Variants in SRCIN1 observed in about 807,000 individuals in gnomAD.
SRCIN1 encodes the protein P130Cas-associated protein.
In SRCIN1, 50 loss-of-function variants were observed where a neutral mutation model predicts 116.2. The ratio of observed to expected loss-of-function variants is 0.43; its 90% CI spans 0.34 to 0.54. The LOEUF is 0.54. Among genes scored for constraint, SRCIN1 ranks in the 20% least tolerant of loss-of-function variants. SRCIN1 has a pLI of 0.02. For missense variants in SRCIN1, 1,446 were observed against 1,672.0 expected, an observed-to-expected ratio of 0.86 and a Z score of 2.36; for synonymous variants, 736 against 750.0, an observed-to-expected ratio of 0.98 and a Z score of 0.30.
chr17:38,584,841 GGGAGA>G (rs1205318567), intron 1 of SRCIN1, among the ~76,000 whole-genome samples: 2 of 152,204 alleles, frequency 1.3e-5, no homozygotes, highest in Non-Finnish European at 2.9e-5. Context: ...GAGGAGAACG[GGGAGA>G]GGAGAGGAGA....
chr17:38,581,706 G>A (rs1395446947), intron 1 of SRCIN1, among the ~76,000 whole-genome samples: 1 of 152,184 alleles, frequency 6.6e-6, no homozygotes. Context: ...GTGAGACTGG[G>A]AACACTGGGG....
chr17:38,534,860 G>A (rs1167136524), intron 18 of SRCIN1, among the ~76,000 whole-genome samples: 1 of 152,196 alleles, frequency 6.6e-6, no homozygotes, highest in Non-Finnish European at 1.5e-5. Flanking sequence ...GGGTGTGGTG[G>A]CTCACACCTG....
intron 1 of SRCIN1, among the ~76,000 whole-genome samples, chr17:38,596,319 T>A (rs1228578010): frequency 2.6e-5 from 4 of 151,884 alleles, no homozygotes; most frequent in Non-Finnish European, 5.9e-5. Context: ...TTAGGAGCTC[T>A]CCCTTTGGGG....
At chr17:38,554,794 C>T (rs1004087490) in intron 11 of SRCIN1, among the ~76,000 whole-genome samples, 2 of 152,218 alleles carry the variant, frequency 1.3e-5, no homozygotes, top group Admixed American at 1.3e-4. Context: ...TCGCTGACAT[C>T]CCTGACTCAC....
intron 1 of SRCIN1, among the ~76,000 whole-genome samples, chr17:38,593,752 C>T (rs1464283781): frequency 6.6e-6 from 1 of 152,124 alleles, no homozygotes; most frequent in South Asian, 2.1e-4. Flanking sequence ...TGAGCCCCAT[C>T]CCCTGAAAGC....
At chr17:38,564,881 T>C (rs1906579671) in intron 3 of SRCIN1, among the ~76,000 whole-genome samples, 2 of 151,988 alleles carry the variant, frequency 1.3e-5, no homozygotes, top group South Asian at 2.1e-4. Context: ...TTTAGGGTGA[T>C]TGAGAAAACT....
chr17:38,549,100 C>T lies in SRCIN1; in HGVS notation c.3073G>A (p.Gly1025Arg), dbSNP rs557969957. ...SSHGLTTTRTGEVVVTSKKDS... is the reference protein window; with the variant it reads ...SSHGLTTTRTREVVVTSKKDS... ...TTCTTGCTGGTGACCACCACCTCTC[C>T]GGTACGTGTGGTGGTCAGGCCATGG... The change falls in exon 16 of 19, where the codon GGA (glycine) becomes AGA (arginine). Residue 1025 changes from glycine (G) to arginine (R), a missense_variant. Gly to Arg is a moderately radical substitution (Grantham distance 125). Around this residue, in one of 5 missense-constraint regions of SRCIN1, gnomAD observed 531 missense variants for 633.9 expected, o/e 0.84. Transcript: ENST00000617146. 1.3e-5 allele frequency: 21 copies of T among 1,605,786 alleles called. No individual in the cohort carries two copies. In the South Asian group the frequency reaches 1.4e-4, roughly 11 times the overall value.
chr17:38,555,612 CAA>C (rs1905733561), intron 11 of SRCIN1, among the ~76,000 whole-genome samples: 1 of 152,320 alleles, frequency 6.6e-6, no homozygotes, highest in South Asian at 2.1e-4. Flanking sequence ...TTCAGATATT[CAA>C]AGAGATTAAC....
At chr17:38,597,037 C>T (rs543295125) in intron 1 of SRCIN1, among the ~76,000 whole-genome samples, 1 of 152,352 alleles carries the variant, frequency 6.6e-6, no homozygotes, top group South Asian at 2.1e-4. Context: ...AGGCACAGCC[C>T]TCCCTGGGCT....
At position 38,552,660 on chromosome 17, in the gene SRCIN1, T is replaced by C; in HGVS notation, c.2332+65A>G. On this transcript the variant is annotated intron_variant, in intron 12 of 18. Transcript: ENST00000617146. The surrounding 1 kb of genome is among the most constrained non-coding windows in gnomAD (Gnocchi z 5.3). ...ACCACAGACTGGGAGGAGAGGATGG[T>C]GGCTGGAGTATGGCAGACTTCCCCA... 1 of 1,613,092 alleles carries C rather than the reference T, an allele frequency of 6.2e-7. No individual in the cohort carries two copies. The highest frequency in any genetic ancestry group is 1.1e-5 in the South Asian group (1 of 91,048).
rs143974605 is a variant in SRCIN1 at position 38,536,404 on chromosome 17, C to T, written c.3418-2973G>A. On this transcript the variant is annotated intron_variant, in intron 18 of 18. Coordinates refer to ENST00000617146, the MANE Select transcript of SRCIN1 (RefSeq NM_025248.3). Reference sequence around the variant, plus strand: ...CAGAGAAGCAGAACTTTGTTACCTTCGTGGCAAGGCAGAAACCTCACACAT... The same window carrying T: ...CAGAGAAGCAGAACTTTGTTACCTTTGTGGCAAGGCAGAAACCTCACACAT... Among the ~76,000 whole-genome samples, 217 of 152,362 alleles carry T rather than the reference C, an allele frequency of 1.4e-3. 1 individual carries two copies. The highest frequency in any genetic ancestry group is 5.0e-3 in the African/African-American group (209 of 41,582).
intron 1 of SRCIN1, among the ~76,000 whole-genome samples, chr17:38,583,558 T>TTTTG (rs1567878630): frequency 2.6e-4 from 38 of 148,200 alleles, no homozygotes; most frequent in African/African-American, 9.1e-4. Flanking sequence ...GTTTTTTTTT[T>TTTTG]TTTTTTTTTT....
At chr17:38,583,849 G>A (rs527788523) in intron 1 of SRCIN1, among the ~76,000 whole-genome samples, 1 of 152,306 alleles carries the variant, frequency 6.6e-6, no homozygotes, top group African/African-American at 2.4e-5. Context: ...CACCGCGCCA[G>A]GCCAAAGTAG....
At position 38,549,335 on chromosome 17, in the gene SRCIN1, A is replaced by G. The variant is rs1166993207; in HGVS notation, c.2963-125T>C. 1.4e-5 allele frequency: 13 copies of G among 960,600 alleles called. No individual in the cohort carries two copies. In the East Asian group the frequency reaches 3.7e-4, roughly 28 times the overall value. 59.5% of individuals were successfully genotyped at this position (960,600 alleles called of 1,614,324 possible). ...GAGGACCAGGAGGAGGTGAGAGGAA[A>G]GCCTGGGGGCAAGAACACAGGGCCC... On this transcript the variant is annotated intron_variant, in intron 15 of 18. Coordinates refer to ENST00000617146, the MANE Select transcript of SRCIN1 (RefSeq NM_025248.3).
At chr17:38,536,541 G>T (rs1904392386) in intron 18 of SRCIN1, among the ~76,000 whole-genome samples, 1 of 152,148 alleles carries the variant, frequency 6.6e-6, no homozygotes, top group Non-Finnish European at 1.5e-5. Flanking sequence ...CTCTCGCCAG[G>T]TCCATGTTCC....
chr17:38,579,460 A>G (rs1238580741), intron 1 of SRCIN1, among the ~76,000 whole-genome samples: 1 of 152,180 alleles, frequency 6.6e-6, no homozygotes, highest in Non-Finnish European at 1.5e-5. Flanking sequence ...CTCCCCAGAG[A>G]CAGACAGATA....
chr17:38,539,291 T>C (rs924139068), intron 18 of SRCIN1, among the ~76,000 whole-genome samples: 3 of 152,184 alleles, frequency 2.0e-5, no homozygotes, highest in African/African-American at 7.2e-5. Context: ...GGCTCACGTA[T>C]GTTGCCCAGG....
At position 38,552,014 on chromosome 17, in the gene SRCIN1, G is replaced by T. The variant is rs752653527; in HGVS notation, c.2599C>A (p.Pro867Thr). The T allele has an allele frequency of 6.2e-7, 1 of 1,613,958 alleles. No individual in the cohort carries two copies. The highest frequency in any genetic ancestry group is 8.5e-7 in the Non-Finnish European group (1 of 1,179,890). Residue 867 changes from proline (P) to threonine (T), a missense_variant, in exon 14 of 19, where the codon CCC becomes ACC. By Grantham distance (38) the Pro-to-Thr change is conservative. Around this residue, in one of 5 missense-constraint regions of SRCIN1, gnomAD observed 531 missense variants for 633.9 expected, o/e 0.84. Transcript: ENST00000617146. The surrounding 1 kb of genome is among the most constrained non-coding windows in gnomAD (Gnocchi z 5.3). Reference protein sequence around the residue: ...SVDFEMPPPSPPLNLHELSGP... With the variant: ...SVDFEMPPPSTPLNLHELSGP... ...CTCAGCTCATGCAGGTTCAGCGGGG[G>T]GCTGGGGGGTGGCATTTCGAAGTCC...
At chr17:38,547,375 A>G (rs1050889953) in intron 17 of SRCIN1, among the ~76,000 whole-genome samples, 2 of 152,182 alleles carry the variant, frequency 1.3e-5, no homozygotes, top group African/African-American at 4.8e-5. Flanking sequence ...ATCCAAAGTC[A>G]TCTTGTGAGC....
Sources: allele counts gnomAD v4.1 joint callset (sites outside exome capture counted in the v4.1 genomes callset), GRCh38; gene constraint gnomAD v4.1.1; regional missense constraint gnomAD v4.1.1; non-coding constraint Gnocchi (gnomAD v3.1); transcripts MANE v1.5; gene names NCBI Gene and HGNC (gene_info 2026-07-23, HGNC 2026-07-21).